The following IQCH variants were observed in gnomAD, a reference collection of about 807,000 sequenced individuals.
IQCH encodes IQ motif containing H, also known as IQ domain-containing protein H.
In IQCH, 98 loss-of-function variants were observed where a neutral mutation model predicts 117.0. The ratio of observed to expected loss-of-function variants is 0.84; its 90% CI spans 0.71 to 0.99. The LOEUF is 0.99. Among genes scored for constraint, IQCH ranks in the 50% least tolerant of loss-of-function variants. IQCH has a pLI of 0.00. For synonymous variants in IQCH, 412 were observed against 448.2 expected (o/e 0.92, Z 1.02); for missense variants, 1,102 against 1,243.8 (o/e 0.89, Z 1.72).
In IQCH at chr15:67,357,423, TA is replaced by T. The variant is rs1969936767; in HGVS notation, c.714+3del. 6 of 1,566,112 alleles carry T rather than the reference TA, an allele frequency of 3.8e-6. No individual in the cohort carries two copies. The African/African-American group carries it at 6.8e-5, about 18-fold the overall frequency. On this transcript the variant is annotated splice_donor_region_variant and intron_variant, in intron 7 of 20. Coordinates refer to ENST00000335894, the MANE Select transcript of IQCH (RefSeq NM_001031715.3). ...TTTCCCAAGAAACAAAGATCAAAGG[TA>T]TTTATATTCCTCACTATAGAAAGAA... is the stretch of plus-strand genomic sequence containing the variant.
At chr15:67,455,470 T>C (rs1202101755) in intron 16 of IQCH, among the ~76,000 whole-genome samples, 1 of 152,236 alleles carries the variant, frequency 6.6e-6, no homozygotes, top group Non-Finnish European at 1.5e-5. Context: ...CTATATATTC[T>C]GCAACCAAGG....
intron 6 of IQCH, among the ~76,000 whole-genome samples, chr15:67,349,746 A>C (rs775062658): frequency 2.1e-4 from 32 of 152,226 alleles, no homozygotes; most frequent in Non-Finnish European, 4.3e-4. Context: ...ACCCAATAAC[A>C]TAACAGACAA....
At chr15:67,353,050 G>A (rs1035208385) in intron 6 of IQCH, among the ~76,000 whole-genome samples, 6 of 151,974 alleles carry the variant, frequency 3.9e-5, no homozygotes, top group African/African-American at 1.5e-4. Flanking sequence ...GGAGGCTGAG[G>A]CAGGAGAATT....
chr15:67,379,149 T>A (rs1261728309), intron 10 of IQCH, among the ~76,000 whole-genome samples: 1 of 152,228 alleles, frequency 6.6e-6, no homozygotes, highest in Non-Finnish European at 1.5e-5. Flanking sequence ...GGTTGGATTC[T>A]CATATCTGCT....
chr15:67,343,249 T>G (rs1969248072), intron 5 of IQCH, among the ~76,000 whole-genome samples: 1 of 152,220 alleles, frequency 6.6e-6, no homozygotes, highest in Admixed American at 6.5e-5. Flanking sequence ...GCTCTTTACT[T>G]ACTTTCTATT....
At chr15:67,434,019 T>C (rs1434969102) in intron 16 of IQCH, among the ~76,000 whole-genome samples, 1 of 152,248 alleles carries the variant, frequency 6.6e-6, no homozygotes, top group Admixed American at 6.5e-5. Context: ...TAATATACCT[T>C]GTGAAATGAT....
intron 4 of IQCH, among the ~76,000 whole-genome samples, chr15:67,323,939 C>CTTT (rs530534537): frequency 3.0e-4 from 19 of 64,194 alleles, no homozygotes; most frequent in South Asian, 6.4e-4. Context: ...TTAAGCATTT[C>CTTT]TTTTTTTTTT....
intron 4 of IQCH, among the ~76,000 whole-genome samples, chr15:67,330,249 A>G (rs77559486): frequency 6.6e-6 from 1 of 152,320 alleles, no homozygotes; most frequent in African/African-American, 2.4e-5. Context: ...CCTGTCTTGA[A>G]TTATGTGAGT....
In IQCH at chr15:67,427,888, G is replaced by A. The variant is rs1209099095; in HGVS notation, c.2505+6311G>A. Among the ~76,000 whole-genome samples the A allele has an allele frequency of 2.6e-5, 4 of 151,504 alleles. No individual in the cohort carries two copies. Among genetic ancestry groups the A allele is most frequent in the African/African-American group, 7.3e-5 (3 of 41,128 alleles). ...GTGTTGCCCAGGCTGGAGTGCAGTG[G>A]CATGATCTTGCTTCACTGTAATCTT... On this transcript the variant is annotated intron_variant, in intron 16 of 20. Transcript: ENST00000335894. This position sits in a 1 kb window ranked among gnomAD's most constrained non-coding sequence, Gnocchi z 4.7.
chr15:67,394,924 G>A (rs984253222), intron 12 of IQCH, among the ~76,000 whole-genome samples: 1 of 152,084 alleles, frequency 6.6e-6, no homozygotes, highest in African/African-American at 2.4e-5. Flanking sequence ...TTCATTTTTT[G>A]TATTGATTTT....
At chr15:67,375,429 A>G (rs1970703302) in intron 10 of IQCH, among the ~76,000 whole-genome samples, 1 of 152,194 alleles carries the variant, frequency 6.6e-6, no homozygotes, top group Admixed American at 6.5e-5. Context: ...GTCTAAAAAA[A>G]TTAATAAAAT....
rs2082915900 is a variant in IQCH at position 67,465,786 on chromosome 15, C to A, written c.2676+489C>A. ...GCTGATAAGATAACCCCCAGCCCCACATCCAGTCAGCAAGCAGGGCGTGTT... is the reference window on the plus strand; with the variant it reads ...GCTGATAAGATAACCCCCAGCCCCAAATCCAGTCAGCAAGCAGGGCGTGTT... On this transcript the variant is annotated intron_variant, in intron 17 of 20. Coordinates refer to ENST00000335894, the MANE Select transcript of IQCH (RefSeq NM_001031715.3). The surrounding 1 kb of genome is among the most constrained non-coding windows in gnomAD (Gnocchi z 5.9). 6.6e-6 allele frequency among the ~76,000 whole-genome samples: 1 copy of A among 152,176 alleles called. No homozygotes were observed. Among genetic ancestry groups the A allele is most frequent in the Non-Finnish European group, 1.5e-5 (1 of 68,026 alleles).
chr15:67,498,347 G>A (rs1345164065), intron 20 of IQCH, among the ~76,000 whole-genome samples: 3 of 152,138 alleles, frequency 2.0e-5, no homozygotes, highest in Non-Finnish European at 4.4e-5. Context: ...CGGGCGCGGT[G>A]GCTCACACCT....
At chr15:67,301,152 G>C (rs1233608122) in intron 4 of IQCH, among the ~76,000 whole-genome samples, 2 of 152,064 alleles carry the variant, frequency 1.3e-5, no homozygotes, top group Non-Finnish European at 2.9e-5. Context: ...AGTTATTTCT[G>C]ATATTTATCT....
intron 4 of IQCH, among the ~76,000 whole-genome samples, chr15:67,295,893 T>G (rs1450685621): frequency 6.6e-6 from 1 of 152,198 alleles, no homozygotes; most frequent in Non-Finnish European, 1.5e-5. Flanking sequence ...TTAGAGATCT[T>G]TGCATAACTA....
At chr15:67,489,519 G>GGGTGAGGTCAGGAGTTCAAGATCTT (rs11276406) in intron 18 of IQCH, among the ~76,000 whole-genome samples, 131,095 of 151,020 alleles carry the variant, frequency 0.87, 56,961 homozygotes, top group African/African-American at 0.9. Context: ...CTGGCCTCCT[G>GGGTGAGGTCAGGAGTTCAAGATCTT]GGCTCACTGC....
intron 10 of IQCH, among the ~76,000 whole-genome samples, chr15:67,374,340 T>G (rs1254730545): frequency 6.6e-6 from 1 of 152,206 alleles, no homozygotes; most frequent in Non-Finnish European, 1.5e-5. Flanking sequence ...TTTGTTAAAG[T>G]CTTTTAAGTA....
At chr15:67,344,698 G>T (rs1266504512) in intron 6 of IQCH, among the ~76,000 whole-genome samples, 1 of 152,192 alleles carries the variant, frequency 6.6e-6, no homozygotes, top group South Asian at 2.1e-4. Context: ...CAATTTTATG[G>T]TAACTGGAAT....
intron 4 of IQCH, among the ~76,000 whole-genome samples, chr15:67,315,917 C>A (rs1967823793): frequency 6.6e-6 from 1 of 152,054 alleles, no homozygotes. Flanking sequence ...ATGAGAGAAA[C>A]CCTGCCTGGA....
Sources: gnomAD v4.1 joint callset for allele counts (sites outside exome capture counted in the v4.1 genomes callset) on GRCh38, gnomAD v4.1.1 for gene constraint, Gnocchi (gnomAD v3.1) non-coding constraint, MANE v1.5 for transcripts, NCBI Gene and HGNC (gene_info 2026-07-23, HGNC 2026-07-21) for gene names.